The following C2CD5 variants were observed in gnomAD, a reference collection of about 807,000 sequenced individuals.
C2CD5 encodes the protein C2 domain-containing protein 5.
Under a neutral mutation model 130.3 loss-of-function variants are expected in C2CD5, and 109 were observed. The ratio of observed to expected loss-of-function variants is 0.84; its 90% confidence interval spans 0.72 to 0.98. The LOEUF is 0.98. C2CD5 is among the 50% of genes least tolerant of loss of function. The pLI is 0.00. For missense variants in C2CD5, 996 were observed against 1,261.8 expected (o/e 0.79, Z 3.19); for synonymous variants, 454 against 429.2 (o/e 1.06, Z -0.71).
intron 2 of C2CD5, 88 bp downstream of exon 2, chr12:22,543,973 A>C: frequency 1.3e-5 from 13 of 975,892 alleles, no homozygotes; most frequent in East Asian, 2.5e-5. Flanking sequence ...CGAGGGGGGA[A>C]TAGGCTGAGG....
chr12:22,476,424 T>G (rs1444871877), intron 15 of C2CD5, among the ~76,000 whole-genome samples: 1 of 152,122 alleles, frequency 6.6e-6, no homozygotes, highest in African/African-American at 2.4e-5. Flanking sequence ...ATGCATAAAC[T>G]GATGAGTACT....
chr12:22,502,897 A>G (rs757668030), intron 10 of C2CD5: 1 of 675,036 alleles, frequency 1.5e-6, no homozygotes, highest in Non-Finnish European at 2.6e-6. Context: ...GCAATTGACA[A>G]CACCACTCGA....
chr12:22,501,968 C>G (rs1947857017), intron 10 of C2CD5, among the ~76,000 whole-genome samples: 1 of 151,798 alleles, frequency 6.6e-6, no homozygotes, highest in Non-Finnish European at 1.5e-5. Flanking sequence ...GCTTCTGACA[C>G]TGAATCAAAA....
chr12:22,524,562 T>TG lies in C2CD5; in HGVS notation c.510dup (p.Asn171GlnfsTer2). On this transcript the variant is annotated frameshift_variant, in exon 6 of 27. Transcript: ENST00000446597. LOFTEE classifies it high-confidence loss of function. Reference sequence around the variant, plus strand: ...ATCCACTGATATTCTGGGTCTTCATTGACCACAAGTTCTTCTACAAATCCA... The same window carrying TG: ...ATCCACTGATATTCTGGGTCTTCATTGGACCACAAGTTCTTCTACAAATCCA... The TG allele has an allele frequency of 6.2e-7, 1 of 1,613,514 alleles. No individual in the cohort carries two copies. The highest frequency in any genetic ancestry group is 8.5e-7 in the Non-Finnish European group (1 of 1,179,444).
chr12:22,496,569 C>T (rs1453177490), intron 10 of C2CD5, among the ~76,000 whole-genome samples: 2 of 151,374 alleles, frequency 1.3e-5, no homozygotes, highest in African/African-American at 4.8e-5. Context: ...ACCTCTTCAC[C>T]TTAAACACAT....
intron 11 of C2CD5, among the ~76,000 whole-genome samples, chr12:22,492,947 T>C (rs1007151612): frequency 6.6e-6 from 1 of 152,212 alleles, no homozygotes; most frequent in Non-Finnish European, 1.5e-5. Context: ...CAGTATTATA[T>C]TCTCATTTAA....
intron 11 of C2CD5, 38 bp from the exon 12 acceptor site, chr12:22,490,256 A>C: frequency 7.0e-7 from 1 of 1,424,130 alleles, no homozygotes; most frequent in Non-Finnish European, 9.9e-7. Context: ...AACATTTTTC[A>C]GACCGTATAA....
chr12:22,501,559 T>G (rs1215570778), intron 10 of C2CD5, among the ~76,000 whole-genome samples: 1 of 152,182 alleles, frequency 6.6e-6, no homozygotes, highest in African/African-American at 2.4e-5. Flanking sequence ...AAAGTATTTT[T>G]CAATTTCTCA....
At chr12:22,490,912 C>T (rs186944802) in intron 11 of C2CD5, among the ~76,000 whole-genome samples, 48 of 152,032 alleles carry the variant, frequency 3.2e-4, no homozygotes, top group African/African-American at 1.0e-3. Context: ...ATAAATAAAA[C>T]CCAGAAATAA....
chr12:22,530,645 C>T (rs538581356), intron 3 of C2CD5, among the ~76,000 whole-genome samples: 4 of 151,748 alleles, frequency 2.6e-5, no homozygotes, highest in African/African-American at 4.8e-5. Context: ...TTAGTAGAGA[C>T]GGGGTTTCAC....
intron 12 of C2CD5, among the ~76,000 whole-genome samples, chr12:22,486,185 GGAAAAAAAAAA>G (rs1425676790): frequency 7.5e-6 from 1 of 132,582 alleles, no homozygotes; most frequent in Non-Finnish European, 1.5e-5. Flanking sequence ...AGGCTTGAAT[GGAAAAAAAAAA>G]AAAAAAAACA....
chr12:22,525,799 A>T, intron 4 of C2CD5, 94 bp from the exon 5 acceptor site: 1 of 728,718 alleles, frequency 1.4e-6, no homozygotes. Context: ...TGATTTTAAA[A>T]TACAATGATT....
chr12:22,535,206 AAG>A, intron 3 of C2CD5, 50 bp downstream of exon 3: 1 of 937,936 alleles, frequency 1.1e-6, no homozygotes, highest in Non-Finnish European at 1.8e-6. Context: ...CCTGAGGGAA[AAG>A]AGTCACCTCA....
At chr12:22,512,699 TAA>T (rs200568343) in intron 9 of C2CD5, 714 of 1,232,648 alleles carry the variant, frequency 5.8e-4, no homozygotes, top group African/African-American at 1.2e-3. Context: ...GAAGTTTATT[TAA>T]AAAAAAAAAA....
rs367545136 is a variant in C2CD5 at position 22,469,743 on chromosome 12, A to C, written c.2499T>G (p.Asp833Glu). Residue 833 changes from aspartate to glutamate, a missense_variant, in exon 22 of 27, where the codon GAT becomes GAG. Coordinates refer to ENST00000446597, the MANE Select transcript of C2CD5 (RefSeq NM_001286176.2). Reference sequence around the variant, plus strand: ...GTGGAAAAGGATGAGAAGGAAGTGAATCTGAACACAGTTCCAGTGGAAATT... The same window carrying C: ...GTGGAAAAGGATGAGAAGGAAGTGACTCTGAACACAGTTCCAGTGGAAATT... ...LLQFPLELCS[D>E]SLPSHPFPPA... 6 of 1,606,468 alleles carry C rather than the reference A, an allele frequency of 3.7e-6. No individual in the cohort carries two copies. The highest frequency in any genetic ancestry group is 2.3e-5 in the East Asian group (1 of 44,034).
rs772101667 is a variant in C2CD5, at chr12:22,484,873, C to T, written c.1374G>A (p.Leu458=). Residue 458 remains leucine (L), a synonymous_variant, in exon 13 of 27, where the codon TTG becomes TTA. Coordinates refer to ENST00000446597, the MANE Select transcript of C2CD5 (RefSeq NM_001286176.2). ...GCLEQRLEEN[L]PTRCGFCHIP... The stretch of plus-strand genomic sequence containing the variant: ...TATGACAAAATCCACAACGTGTAGG[C>T]AAATTTTCTTCAAGCCTATATAAAT... 9 of 1,531,692 alleles carry T rather than the reference C, an allele frequency of 5.9e-6. No individual in the cohort carries two copies. The African/African-American group carries it at 8.4e-5, about 14-fold the overall frequency. 94.9% of individuals were successfully genotyped at this position (1,531,692 alleles called of 1,614,324 possible).
Position 22,449,826 on chromosome 12 carries a change from C to A in C2CD5, c.3090G>T (p.Val1030=). The A allele has an allele frequency of 6.2e-7, 1 of 1,611,372 alleles. No individual in the cohort carries two copies. Among genetic ancestry groups the A allele is most frequent in the African/African-American group, 1.3e-5 (1 of 74,948 alleles). Residue 1030 remains valine, a synonymous_variant, in exon 27 of 27, where the codon GTG becomes GTT. Transcript: ENST00000446597. ...VVFVRESDLE[V]VSSQQPTTNC... ...TGGTAGTAGGTTGCTGAGATGACAC[C>A]ACTTCTAAGTCAGATTCACGAACAA...
chr12:22,503,303 G>A (rs1948049794), intron 10 of C2CD5, among the ~76,000 whole-genome samples: 1 of 152,170 alleles, frequency 6.6e-6, no homozygotes, highest in South Asian at 2.1e-4. Context: ...TCCCTCAGCA[G>A]AGGAACTCAG....
intron 5 of C2CD5, 35 bp downstream of exon 5, chr12:22,525,575 C>T: frequency 2.1e-6 from 2 of 943,320 alleles, no homozygotes; most frequent in Non-Finnish European, 3.5e-6. Flanking sequence ...ACAGTTATTA[C>T]ATTTCCTGTT....
Sources: gnomAD v4.1 joint callset for allele counts (sites outside exome capture counted in the v4.1 genomes callset) on GRCh38, gnomAD v4.1.1 for gene constraint, MANE v1.5 for transcripts, NCBI Gene and HGNC (gene_info 2026-07-23, HGNC 2026-07-21) for gene names.